SPAG16: variants seen among roughly 807,000 people sequenced by gnomAD.
SPAG16 encodes the protein sperm-associated antigen 16 protein.
In SPAG16, 86 loss-of-function variants were observed where a neutral mutation model predicts 80.4. The ratio of observed to expected loss-of-function variants is 1.07; its 90% confidence interval spans 0.90 to 1.28. The LOEUF (loss-of-function observed/expected upper bound fraction) is 1.28. Ranked by LOEUF, SPAG16 falls within the 50% of genes most tolerant of loss-of-function variation. The pLI, the probability that SPAG16 is intolerant of heterozygous loss-of-function variation, is 0.00. For synonymous variants in SPAG16, 294 were observed against 265.9 expected, an observed-to-expected ratio of 1.11 and a Z score of -1.03; for missense variants, 870 against 765.3, an observed-to-expected ratio of 1.14 and a Z score of -1.61.
intron 15 of SPAG16, among the ~76,000 whole-genome samples, chr2:214,278,337 G>A (rs1327566817): frequency 6.6e-6 from 1 of 152,168 alleles, no homozygotes; most frequent in Non-Finnish European, 1.5e-5. Context: ...TGTCCAACCA[G>A]TCCCAGTGAG....
Position 213,849,728 on chromosome 2 carries a change from G to A in SPAG16, c.1071-12757G>A, listed in dbSNP as rs576493240. The stretch of plus-strand genomic sequence containing the variant: ...TTCTCCTAGAAAAGAGATTTTTCAT[G>A]TTAAAGTCCTTACCATAAGGAAGTT... On this transcript the variant is annotated intron_variant, in intron 10 of 15. Transcript: ENST00000331683. 2.0e-5 allele frequency among the ~76,000 whole-genome samples: 3 copies of A among 152,206 alleles called. No individual in the cohort carries two copies. The South Asian group carries it at 6.2e-4, about 32-fold the overall frequency.
chr2:213,802,036 CA>C (rs904002548), intron 10 of SPAG16, among the ~76,000 whole-genome samples: 24 of 152,150 alleles, frequency 1.6e-4, no homozygotes, highest in African/African-American at 5.8e-4. Flanking sequence ...CACCATCACA[CA>C]AATAATGTCT....
intron 12 of SPAG16, among the ~76,000 whole-genome samples, chr2:214,008,541 T>C (rs528157772): frequency 2.0e-5 from 3 of 152,172 alleles, no homozygotes; most frequent in South Asian, 4.1e-4. Context: ...GGTCAGGAGT[T>C]CGACACCAGC....
chr2:213,458,937 A>G (rs2072198386), intron 9 of SPAG16, among the ~76,000 whole-genome samples: 1 of 151,972 alleles, frequency 6.6e-6, no homozygotes. Flanking sequence ...TGTTTTTTGA[A>G]TTTATGTGTT....
At chr2:214,049,198 A>G (rs1371153648) in intron 13 of SPAG16, among the ~76,000 whole-genome samples, 2 of 152,242 alleles carry the variant, frequency 1.3e-5, no homozygotes, top group Admixed American at 6.5e-5. Context: ...GCTTATAGCA[A>G]TCTGAAAAAG....
At chr2:213,790,289 A>G (rs912979661) in intron 10 of SPAG16, among the ~76,000 whole-genome samples, 2 of 151,846 alleles carry the variant, frequency 1.3e-5, no homozygotes, top group African/African-American at 4.8e-5. Context: ...TTTCACTTCT[A>G]TAAACTTTTA....
At chr2:213,414,608 T>C (rs1216364705) in intron 9 of SPAG16, among the ~76,000 whole-genome samples, 1 of 152,200 alleles carries the variant, frequency 6.6e-6, no homozygotes, top group African/African-American at 2.4e-5. Context: ...TGTCACATGA[T>C]TAATGTAACA....
chr2:213,501,932 C>T (rs2074760079), intron 10 of SPAG16, among the ~76,000 whole-genome samples: 1 of 152,040 alleles, frequency 6.6e-6, no homozygotes, highest in African/African-American at 2.4e-5. Flanking sequence ...TGTTAATTAA[C>T]AGATTTAGAT....
chr2:214,066,621 A>G (rs1202735545), intron 13 of SPAG16, among the ~76,000 whole-genome samples: 2 of 152,186 alleles, frequency 1.3e-5, no homozygotes, highest in Non-Finnish European at 2.9e-5. Context: ...CAATATTTGC[A>G]GCAACAAAAT....
intron 10 of SPAG16, among the ~76,000 whole-genome samples, chr2:213,782,907 C>G (rs1371669656): frequency 6.6e-6 from 1 of 152,138 alleles, no homozygotes; most frequent in East Asian, 1.9e-4. Flanking sequence ...TAAAAGAGTT[C>G]TAAGAACTGT....
intron 13 of SPAG16, among the ~76,000 whole-genome samples, chr2:214,015,001 G>A (rs1427034682): frequency 6.6e-6 from 1 of 152,154 alleles, no homozygotes; most frequent in Non-Finnish European, 1.5e-5. Flanking sequence ...TTGGGTATGT[G>A]AATATTTCAT....
intron 10 of SPAG16, among the ~76,000 whole-genome samples, chr2:213,816,125 T>TC (rs1478881541): frequency 6.6e-6 from 1 of 152,208 alleles, no homozygotes; most frequent in African/African-American, 2.4e-5. Context: ...ACTCCCCATA[T>TC]CAAAGGTTCC....
At chr2:213,654,353 TTTTGTTTG>T (rs10611901) in intron 10 of SPAG16, among the ~76,000 whole-genome samples, 58 of 150,566 alleles carry the variant, frequency 3.9e-4, no homozygotes, top group South Asian at 1.0e-3. Flanking sequence ...CATCTATTGT[TTTTGTTTG>T]TTTGTTTGTT....
rs141751174 is a variant in SPAG16 at position 213,480,325 on chromosome 2, C to T, written c.943-9638C>T. Among the ~76,000 whole-genome samples the T allele has an allele frequency of 1.4e-3, 211 of 152,274 alleles. 2 individuals are homozygous for T. Among genetic ancestry groups the T allele is most frequent in the African/African-American group, 4.6e-3 (190 of 41,566 alleles). On this transcript the variant is annotated intron_variant, in intron 9 of 15. Transcript: ENST00000331683. ...GCAAACAGATGCCAATTGGTTGGGACAGTACTATTAGGCATATCCCCTTAG... is the reference window on the plus strand; with the variant it reads ...GCAAACAGATGCCAATTGGTTGGGATAGTACTATTAGGCATATCCCCTTAG...
chr2:213,878,329 A>T (rs1175022984), intron 11 of SPAG16, among the ~76,000 whole-genome samples: 2 of 152,058 alleles, frequency 1.3e-5, no homozygotes, highest in Admixed American at 1.3e-4. Context: ...CCTTCTTATC[A>T]TTGCCAATAT....
intron 14 of SPAG16, among the ~76,000 whole-genome samples, chr2:214,123,198 G>A (rs1396227069): frequency 6.6e-6 from 1 of 151,746 alleles, no homozygotes; most frequent in African/African-American, 2.4e-5. Flanking sequence ...TTGTTTTGGT[G>A]TTAGAAATCT....
At chr2:214,029,663 T>C (rs2048315352) in intron 13 of SPAG16, among the ~76,000 whole-genome samples, 1 of 152,068 alleles carries the variant, frequency 6.6e-6, no homozygotes. Flanking sequence ...TTGGAAAATG[T>C]GGAATTGCCC....
At chr2:213,538,431 A>G (rs1031812814) in intron 10 of SPAG16, among the ~76,000 whole-genome samples, 3 of 152,076 alleles carry the variant, frequency 2.0e-5, no homozygotes, top group Non-Finnish European at 2.9e-5. Context: ...AATGAGTAGT[A>G]TATTTTATGA....
chr2:214,009,173 A>G (rs917684135), intron 12 of SPAG16, among the ~76,000 whole-genome samples: 4 of 152,144 alleles, frequency 2.6e-5, no homozygotes, highest in East Asian at 1.9e-4. Flanking sequence ...CCCAAAATTC[A>G]TGGTGAATCC....
Sources: gnomAD v4.1 joint callset for allele counts (sites outside exome capture counted in the v4.1 genomes callset) on GRCh38, gnomAD v4.1.1 for gene constraint, MANE v1.5 for transcripts, NCBI Gene and HGNC (gene_info 2026-07-23, HGNC 2026-07-21) for gene names.